LCOR: variants seen among roughly 807,000 people sequenced by gnomAD.
LCOR encodes ligand dependent nuclear receptor corepressor, also known as ligand-dependent corepressor.
In LCOR, 14 loss-of-function variants were observed where a neutral mutation model predicts 64.4. That is an observed-to-expected ratio of 0.22 (90% confidence interval 0.14 to 0.34). The LOEUF is 0.34. Ranked by LOEUF, LCOR falls within the 10% of genes least tolerant of loss-of-function variation. The pLI, the probability that LCOR is intolerant of heterozygous loss-of-function variation, is 1.00. For synonymous variants in LCOR, 643 were observed against 642.5 expected (o/e 1.00, Z -0.01); for missense variants, 1,686 against 1,765.3 (o/e 0.96, Z 0.80).
intron 2 of LCOR, among the ~76,000 whole-genome samples, chr10:96,834,183 C>CTGTAA (rs1327851167): frequency 6.6e-6 from 1 of 152,234 alleles, no homozygotes; most frequent in East Asian, 1.9e-4. Context: ...AGGATTTAGA[C>CTGTAA]TGTAACACCG....
intron 2 of LCOR, among the ~76,000 whole-genome samples, chr10:96,904,186 A>G (rs1846688668): frequency 6.6e-6 from 1 of 152,208 alleles, no homozygotes; most frequent in East Asian, 1.9e-4. Flanking sequence ...CAGTTAGTGT[A>G]TGTCGAATAA....
intron 2 of LCOR, among the ~76,000 whole-genome samples, chr10:96,847,398 C>G (rs1462293296): frequency 6.8e-6 from 1 of 147,914 alleles, no homozygotes; most frequent in Admixed American, 6.8e-5. Context: ...GTTATTTGGT[C>G]AAGAGTATTT....
intron 7 of LCOR, among the ~76,000 whole-genome samples, chr10:96,966,714 A>G (rs1329542463): frequency 6.6e-6 from 1 of 152,122 alleles, no homozygotes; most frequent in Non-Finnish European, 1.5e-5. Flanking sequence ...ACAGAATTTT[A>G]TTTATCAGAT....
chr10:96,866,001 T>G (rs1845965879), intron 2 of LCOR, among the ~76,000 whole-genome samples: 1 of 152,202 alleles, frequency 6.6e-6, no homozygotes, highest in Admixed American at 6.5e-5. Context: ...TAAATTAGTT[T>G]GCCTGCATCT....
intron 7 of LCOR, among the ~76,000 whole-genome samples, chr10:96,967,089 A>T (rs575980289): frequency 6.6e-6 from 1 of 152,216 alleles, no homozygotes; most frequent in African/African-American, 2.4e-5. Context: ...TTGACTAGTC[A>T]TTTTTTAATG....
intron 2 of LCOR, among the ~76,000 whole-genome samples, chr10:96,866,248 A>T (rs1248462281): frequency 2.0e-5 from 3 of 151,960 alleles, no homozygotes; most frequent in African/African-American, 7.3e-5. Flanking sequence ...TAGAATAGCC[A>T]CTCCTCATTC....
intron 7 of LCOR, among the ~76,000 whole-genome samples, chr10:96,979,431 G>A (rs1354053673): frequency 1.3e-5 from 2 of 152,214 alleles, no homozygotes; most frequent in African/African-American, 4.8e-5. Context: ...GTCTAAGCAG[G>A]TATTGCCTGT....
chr10:96,839,327 A>G (rs1201087335), intron 2 of LCOR, among the ~76,000 whole-genome samples: 2 of 152,238 alleles, frequency 1.3e-5, no homozygotes, highest in South Asian at 2.1e-4. Flanking sequence ...AGATCAATAC[A>G]TGACCAGATA....
intron 7 of LCOR, among the ~76,000 whole-genome samples, chr10:96,980,532 C>T (rs980905790): frequency 2.0e-5 from 3 of 151,994 alleles, no homozygotes; most frequent in African/African-American, 7.3e-5. Context: ...AAGCAGTTTT[C>T]GCCAAAGTAC....
At chr10:96,833,903 T>C (rs755029420) in intron 2 of LCOR, among the ~76,000 whole-genome samples, 1 of 150,980 alleles carries the variant, frequency 6.6e-6, no homozygotes, top group Non-Finnish European at 1.5e-5. Context: ...GACATATCTG[T>C]TGGGGGGAAG....
intron 2 of LCOR, among the ~76,000 whole-genome samples, chr10:96,873,157 T>C (rs1202258441): frequency 2.0e-5 from 3 of 152,220 alleles, no homozygotes; most frequent in Admixed American, 1.3e-4. Flanking sequence ...TAAATATTAA[T>C]TTTGATTCTA....
intron 2 of LCOR, among the ~76,000 whole-genome samples, chr10:96,849,461 C>T (rs1332699196): frequency 1.3e-5 from 2 of 152,172 alleles, no homozygotes; most frequent in South Asian, 2.1e-4. Flanking sequence ...TGGCCCGCCT[C>T]GGCCTCCCGA....
intron 1 of LCOR, chr10:96,833,075 G>A (rs1002196207): frequency 9.0e-5 from 89 of 986,328 alleles, no homozygotes; most frequent in Admixed American, 1.8e-4. Context: ...CACTTCCTCA[G>A]CGGGCGGCGG....
At chr10:96,940,417 C>T (rs1589669975) in intron 4 of LCOR, among the ~76,000 whole-genome samples, 1 of 107,034 alleles carries the variant, frequency 9.3e-6, no homozygotes, top group African/African-American at 3.6e-5. Flanking sequence ...AGCAGATAAA[C>T]AAGTGAACAA....
At chr10:96,876,719 C>A (rs980751648) in intron 2 of LCOR, among the ~76,000 whole-genome samples, 1 of 151,934 alleles carries the variant, frequency 6.6e-6, no homozygotes, top group Non-Finnish European at 1.5e-5. Flanking sequence ...GACGGAGTTT[C>A]GCTCTTGTTG....
chr10:96,921,206 A>T (rs1010795785), intron 4 of LCOR, among the ~76,000 whole-genome samples: 5 of 151,178 alleles, frequency 3.3e-5, no homozygotes, highest in African/African-American at 1.2e-4. Flanking sequence ...TTATTTTTTC[A>T]CTCTGTTGTG....
chr10:96,936,470 A>C (rs1014080529), intron 4 of LCOR, among the ~76,000 whole-genome samples: 2 of 152,244 alleles, frequency 1.3e-5, no homozygotes, highest in Non-Finnish European at 2.9e-5. Context: ...TTAAAATATC[A>C]AATTAGGTAA....
chr10:96,888,618 A>G (rs796184705), intron 2 of LCOR, among the ~76,000 whole-genome samples: 2 of 152,272 alleles, frequency 1.3e-5, no homozygotes, highest in South Asian at 4.1e-4. Context: ...TTACAAATAA[A>G]CATTGGTCAA....
In LCOR at chr10:96,958,237, A is replaced by G. The variant is rs541150824; in HGVS notation, c.332+6041A>G. On this transcript the variant is annotated intron_variant, in intron 7 of 7. Coordinates refer to ENST00000421806, the MANE Select transcript of LCOR (RefSeq NM_001346516.2). ...CTCAGAAAGACATCACTAAAGGCCC[A>G]TTAAAAATCTGGCCCTAAAAGTTCA... 2.6e-5 allele frequency: 35 copies of G among 1,330,736 alleles called. No homozygotes were observed. The African/African-American group carries it at 5.1e-4, about 20-fold the overall frequency. 82.4% of individuals were successfully genotyped at this position (1,330,736 alleles called of 1,614,324 possible). A position where few individuals can be genotyped will look rare whatever the true frequency, so the allele number is the denominator to read the frequency against.
Sources: gnomAD v4.1 joint callset for allele counts (sites outside exome capture counted in the v4.1 genomes callset) on GRCh38, gnomAD v4.1.1 for gene constraint, MANE v1.5 for transcripts, NCBI Gene and HGNC (gene_info 2026-07-23, HGNC 2026-07-21) for gene names.